DENND4A: variants seen among roughly 807,000 people sequenced by gnomAD.
DENND4A encodes the protein C-myc promoter-binding protein.
DENND4A carries 70 observed loss-of-function variants against 199.3 expected under a neutral mutation model. The observed-to-expected ratio is 0.35, with a 90% CI of 0.29 to 0.43. The LOEUF (loss-of-function observed/expected upper bound fraction) is 0.43, where lower values mean the gene tolerates loss of function less well. Among genes scored for constraint, DENND4A ranks in the 20% least tolerant of loss-of-function variants. DENND4A has a pLI of 1.00. For synonymous variants in DENND4A, 686 were observed against 766.9 expected (o/e 0.89, Z 1.74); for missense variants, 1,723 against 2,255.8 (o/e 0.76, Z 4.78).
At chr15:65,742,735 A>G (rs2076293001) in intron 4 of DENND4A, among the ~76,000 whole-genome samples, 1 of 152,106 alleles carries the variant, frequency 6.6e-6, no homozygotes, top group African/African-American at 2.4e-5. Flanking sequence ...CACTGTGCCC[A>G]GCCTCTTTTT....
intron 12 of DENND4A, among the ~76,000 whole-genome samples, chr15:65,719,665 G>A (rs2075544090): frequency 6.6e-6 from 1 of 152,008 alleles, no homozygotes; most frequent in East Asian, 1.9e-4. Context: ...TGCAGTGGGA[G>A]GATCACTTGA....
chr15:65,772,728 A>G (rs1157672504), intron 1 of DENND4A, among the ~76,000 whole-genome samples: 1 of 150,432 alleles, frequency 6.6e-6, no homozygotes, highest in Non-Finnish European at 1.5e-5. Context: ...AAAAAAAAAA[A>G]AAAAAAAAGA....
At chr15:65,728,909 T>C (rs781499484) in intron 11 of DENND4A, 163 bp downstream of exon 11, 35 of 721,908 alleles carry the variant, frequency 4.8e-5, no homozygotes, top group East Asian at 4.4e-4. Flanking sequence ...ATCTACTCCA[T>C]TGACGCATAA....
In DENND4A at chr15:65,696,355, A is replaced by G; in HGVS notation, c.3082+11T>C. On this transcript the variant is annotated intron_variant, in intron 22 of 32. Coordinates refer to ENST00000443035, the MANE Select transcript of DENND4A (RefSeq NM_001320835.1). ...ATTCCGCACATAACACAAGCGTACT[A>G]TTCAACTTACCCATGCTTTCTCCTG... 1 of 1,610,586 alleles carries G rather than the reference A, an allele frequency of 6.2e-7. No individual in the cohort carries two copies. The highest frequency in any genetic ancestry group is 8.5e-7 in the Non-Finnish European group (1 of 1,177,750).
At chr15:65,732,033 C>T (rs1313166384) in intron 8 of DENND4A, among the ~76,000 whole-genome samples, 1 of 151,984 alleles carries the variant, frequency 6.6e-6, no homozygotes, top group Non-Finnish European at 1.5e-5. Flanking sequence ...ATGGCAAATC[C>T]ATAGATTGCC....
intron 12 of DENND4A, among the ~76,000 whole-genome samples, chr15:65,720,709 G>A (rs1421704239): frequency 4.0e-5 from 6 of 151,514 alleles, no homozygotes; most frequent in Non-Finnish European, 8.8e-5. Flanking sequence ...ACTACGCCCA[G>A]TCAAGAAAGC....
chr15:65,791,382 C>A (rs575271200), intron 1 of DENND4A, among the ~76,000 whole-genome samples: 39 of 152,320 alleles, frequency 2.6e-4, no homozygotes, highest in Middle Eastern at 3.4e-3. Context: ...TACTGTTTTT[C>A]CTGCCCCCCA....
intron 11 of DENND4A, chr15:65,726,017 T>G (rs916807807): frequency 6.6e-6 from 1 of 152,192 alleles, no homozygotes; most frequent in Non-Finnish European, 1.5e-5. Flanking sequence ...CAAGAATTCA[T>G]GAGCACAAAC....
chr15:65,738,017 T>C, intron 6 of DENND4A, 72 bp from the exon 7 acceptor site: 1 of 1,436,412 alleles, frequency 7.0e-7, no homozygotes, highest in Non-Finnish European at 9.3e-7. Flanking sequence ...CAGTTAAATA[T>C]TTAATAAATG....
intron 1 of DENND4A, among the ~76,000 whole-genome samples, chr15:65,772,817 A>G (rs555959937): frequency 6.6e-6 from 1 of 151,546 alleles, no homozygotes; most frequent in South Asian, 2.1e-4. Context: ...ATTTGAATCT[A>G]GAGCTAAAGT....
chr15:65,760,013 T>C (rs531012616), intron 2 of DENND4A, among the ~76,000 whole-genome samples: 1 of 152,348 alleles, frequency 6.6e-6, no homozygotes, highest in African/African-American at 2.4e-5. Context: ...ATACATTTGT[T>C]GAAATAGAAT....
At chr15:65,750,549 TTA>T (rs529956874) in intron 4 of DENND4A, among the ~76,000 whole-genome samples, 7 of 152,226 alleles carry the variant, frequency 4.6e-5, no homozygotes, top group African/African-American at 1.7e-4. Context: ...GATTAATTTA[TTA>T]TATATACCCC....
rs1456341047 is a variant in DENND4A at position 65,659,959 on chromosome 15, G to C, written c.*1892C>G. 9.1e-6 allele frequency: 2 copies of C among 219,044 alleles called. No homozygotes were observed. Among genetic ancestry groups the C allele is most frequent in the African/African-American group, 4.6e-5 (2 of 43,824 alleles). 13.6% of individuals were successfully genotyped at this position (219,044 alleles called of 1,614,324 possible). Reference sequence around the variant, plus strand: ...CAAAAAGTAAACAACAATGAAAGCTGTTTTTAAAAGAATAAAAACCACCAA... The same window carrying C: ...CAAAAAGTAAACAACAATGAAAGCTCTTTTTAAAAGAATAAAAACCACCAA... On this transcript the variant is annotated 3_prime_UTR_variant, in exon 33 of 33. Coordinates refer to ENST00000443035, the MANE Select transcript of DENND4A (RefSeq NM_001320835.1).
chr15:65,660,503 AACACACAC>A lies in DENND4A; in HGVS notation c.*1340_*1347del. On this transcript the variant is annotated 3_prime_UTR_variant, in exon 33 of 33. Transcript: ENST00000443035. ...TCCTTCACTAATGATAATGTGTGCA[AACACACAC>A]ACATATTGAAAATCTATAACTAATT... 2.0e-6 allele frequency: 1 copy of A among 504,594 alleles called. No individual in the cohort carries two copies. The highest frequency in any genetic ancestry group is 3.5e-6 in the Non-Finnish European group (1 of 284,664). The allele number at this position is 504,594 out of a possible 1,614,324, so 31.3% of individuals were successfully genotyped here.
At chr15:65,670,992 T>C (rs1361915156) in intron 25 of DENND4A, among the ~76,000 whole-genome samples, 1 of 152,200 alleles carries the variant, frequency 6.6e-6, no homozygotes, top group Non-Finnish European at 1.5e-5. Flanking sequence ...AACTTTTTCA[T>C]TTTAAGTATG....
intron 1 of DENND4A, among the ~76,000 whole-genome samples, chr15:65,768,911 T>TTCA (rs2140859057): frequency 6.6e-6 from 1 of 151,964 alleles, no homozygotes; most frequent in South Asian, 2.1e-4. Context: ...GGAGAATTGC[T>TTCA]TCAACCCTGG....
intron 6 of DENND4A, 91 bp from the exon 7 acceptor site, chr15:65,738,036 G>A: frequency 7.6e-7 from 1 of 1,307,950 alleles, no homozygotes; most frequent in Non-Finnish European, 1.0e-6. Context: ...TGCTTGCTAT[G>A]AGCCAGGTGA....
At position 65,716,378 on chromosome 15, in the gene DENND4A, A is replaced by G. The variant is rs1169308438; in HGVS notation, c.1808-755T>C. ...TCATTTAACATTAGGTATATCTCCTAATGCTATCCCTCCCCCCTCCCCCCA... is the reference window on the plus strand; with the variant it reads ...TCATTTAACATTAGGTATATCTCCTGATGCTATCCCTCCCCCCTCCCCCCA... On this transcript the variant is annotated intron_variant, in intron 13 of 32. Coordinates refer to ENST00000443035, the MANE Select transcript of DENND4A (RefSeq NM_001320835.1). Among the ~76,000 whole-genome samples, 5 of 142,758 alleles carry G rather than the reference A, an allele frequency of 3.5e-5. No individual in the cohort carries two copies. The East Asian group carries it at 1.1e-3, about 31-fold the overall frequency. The allele number at this position is 142,758 out of a possible 152,430, so 93.7% of individuals were successfully genotyped here.
At position 65,690,522 on chromosome 15, in the gene DENND4A, G is replaced by C; in HGVS notation, c.4072C>G (p.Pro1358Ala). ...CTGTTTCTTAGAACATCTAGTTTAG[G>C]TACTAGTAGTGTATCTAAGTTAAAT... ...PSFNLDTLLV[P>A]KLDVLRNSMF... Residue 1358 changes from proline (P) to alanine (A), a missense_variant, in exon 23 of 33, where the codon CCT becomes GCT. Pro to Ala is a conservative substitution (Grantham distance 27). Transcript: ENST00000443035. 5.6e-6 allele frequency: 9 copies of C among 1,613,366 alleles called. No homozygotes were observed. The highest frequency in any genetic ancestry group is 6.8e-6 in the Non-Finnish European group (8 of 1,179,552).
Sources: allele counts gnomAD v4.1 joint callset (sites outside exome capture counted in the v4.1 genomes callset), GRCh38; gene constraint gnomAD v4.1.1; transcripts MANE v1.5; gene names NCBI Gene and HGNC (gene_info 2026-07-23, HGNC 2026-07-21).